Variants in PTBP3 observed in about 807,000 individuals in gnomAD.
PTBP3 encodes the protein polypyrimidine tract binding protein 3, also known as polypyrimidine tract-binding protein 3.
PTBP3 carries 20 observed loss-of-function variants against 58.7 expected under a neutral mutation model. The observed-to-expected ratio is 0.34, with a 90% CI of 0.24 to 0.50. The LOEUF (loss-of-function observed/expected upper bound fraction) is 0.50. Ranked by LOEUF, PTBP3 falls within the 20% of genes least tolerant of loss-of-function variation. The pLI is 0.98. For missense variants in PTBP3, 509 were observed against 637.2 expected (o/e 0.80, Z 2.17); for synonymous variants, 185 against 219.8 (o/e 0.84, Z 1.40).
intron 10 of PTBP3, 99 bp from the exon 11 acceptor site, chr9:112,228,571 T>C: frequency 4.1e-6 from 3 of 735,514 alleles, no homozygotes; most frequent in Admixed American, 3.3e-5. Context: ...TTACTCTCCC[T>C]TGGCAATTCC....
At chr9:112,345,224 C>T in the PTBP3 span, among the ~76,000 whole-genome samples, 3 of 151,764 alleles carry the variant, frequency 2.0e-5, no homozygotes, top group South Asian at 6.2e-4. Context: ...CCACCAGCTA[C>T]TCCTTGGGAG....
intron 2 of PTBP3, among the ~76,000 whole-genome samples, chr9:112,289,870 T>C (rs1828301432): frequency 6.6e-6 from 1 of 152,242 alleles, no homozygotes. Context: ...TTAACCCATA[T>C]CATTTTTATT....
intron 1 of PTBP3, among the ~76,000 whole-genome samples, chr9:112,327,187 A>G (rs150584903): frequency 0.012 from 1,871 of 151,992 alleles, 67 homozygotes; most frequent in South Asian, 0.11. Flanking sequence ...CCGGGCAATG[A>G]CAGAGGTAGA....
At chr9:112,247,194 A>T (rs1404083064) in intron 7 of PTBP3, among the ~76,000 whole-genome samples, 1 of 151,900 alleles carries the variant, frequency 6.6e-6, no homozygotes, top group Admixed American at 6.6e-5. Context: ...TGAGCCCTGG[A>T]GGTTGAGGTT....
chr9:112,310,420 T>C (rs940679204), intron 1 of PTBP3, among the ~76,000 whole-genome samples: 2 of 152,244 alleles, frequency 1.3e-5, no homozygotes, highest in Non-Finnish European at 2.9e-5. Context: ...AGACATTCAT[T>C]TGTATATTTA....
At chr9:112,237,370 A>G (rs1835475474) in intron 7 of PTBP3, among the ~76,000 whole-genome samples, 2 of 152,218 alleles carry the variant, frequency 1.3e-5, no homozygotes, top group Non-Finnish European at 2.9e-5. Flanking sequence ...TCAGATCCGA[A>G]TAAGAACGGA....
chr9:112,235,296 G>A (rs1027688065), intron 7 of PTBP3, among the ~76,000 whole-genome samples: 6 of 152,092 alleles, frequency 3.9e-5, no homozygotes, highest in African/African-American at 1.4e-4. Flanking sequence ...CTAAAAGTAC[G>A]AATTATAGGA....
At chr9:112,292,575 T>C (rs1332857544) in intron 2 of PTBP3, among the ~76,000 whole-genome samples, 2 of 152,186 alleles carry the variant, frequency 1.3e-5, no homozygotes, top group African/African-American at 4.8e-5. Context: ...ATGTGGTATA[T>C]ACCTACAATT....
Position 112,221,231 on chromosome 9 carries a change from C to A in PTBP3, c.*2620G>T. 1.0e-6 allele frequency: 1 copy of A among 984,720 alleles called. No individual in the cohort carries two copies. The highest frequency in any genetic ancestry group is 1.2e-6 in the Non-Finnish European group (1 of 829,040). The allele number at this position is 984,720 out of a possible 1,614,324, so 61.0% of individuals were successfully genotyped here. On this transcript the variant is annotated 3_prime_UTR_variant, in exon 14 of 14. Transcript: ENST00000374257. ...ATGTAATGTGCATATGTATATACAA[C>A]TTTAGAAGAGTGTATTTATGTATAT...
chr9:112,263,270 T>C (rs1436739604), intron 4 of PTBP3, among the ~76,000 whole-genome samples: 2 of 152,156 alleles, frequency 1.3e-5, no homozygotes, highest in South Asian at 2.1e-4. Flanking sequence ...CTTTAGTCCA[T>C]ACCGATATAA....
At chr9:112,274,307 A>G (rs1827514652) in intron 3 of PTBP3, among the ~76,000 whole-genome samples, 1 of 152,238 alleles carries the variant, frequency 6.6e-6, no homozygotes, top group Non-Finnish European at 1.5e-5. Flanking sequence ...ATTTATTTAT[A>G]AATGTATTTA....
At chr9:112,246,562 G>A (rs12238441) in intron 7 of PTBP3, among the ~76,000 whole-genome samples, 85,657 of 151,042 alleles carry the variant, frequency 0.57, 26,383 homozygotes, top group African/African-American at 0.83. Flanking sequence ...GCATAGTGGC[G>A]GGCACCTGTA....
At chr9:112,366,708 A>G in the PTBP3 span, among the ~76,000 whole-genome samples, 143,944 of 152,228 alleles carry the variant, frequency 0.95, 68,171 homozygotes, top group African/African-American at 0.99. Context: ...AGGGTAGTGC[A>G]GAAGGGAAAG....
At chr9:112,295,601 T>A (rs1211346411) in intron 2 of PTBP3, among the ~76,000 whole-genome samples, 45 of 92,478 alleles carry the variant, frequency 4.9e-4, no homozygotes, top group Non-Finnish European at 6.2e-4. Flanking sequence ...GTTCTGTTGG[T>A]AAAAAAAAAA....
At chr9:112,234,929 C>G in intron 7 of PTBP3, 32 bp from the exon 8 acceptor site, 2 of 1,533,448 alleles carry the variant, frequency 1.3e-6, no homozygotes, top group Non-Finnish European at 9.0e-7. Context: ...AGTAAACACA[C>G]TACCTTCTAT....
chr9:112,236,288 G>A (rs1835435333), intron 7 of PTBP3, among the ~76,000 whole-genome samples: 1 of 152,162 alleles, frequency 6.6e-6, no homozygotes, highest in Non-Finnish European at 1.5e-5. Flanking sequence ...CAGAATAACT[G>A]ATGAAGTAAG....
intron 1 of PTBP3, among the ~76,000 whole-genome samples, chr9:112,323,527 A>C (rs1217822385): frequency 6.6e-6 from 1 of 152,248 alleles, no homozygotes; most frequent in South Asian, 2.1e-4. Flanking sequence ...CACTGGCTGT[A>C]ATGGAAAATG....
chr9:112,290,699 T>TACACACACACACACACACAC (rs1221818154), intron 2 of PTBP3, among the ~76,000 whole-genome samples: 3 of 64,600 alleles, frequency 4.6e-5, no homozygotes, highest in East Asian at 3.5e-4. Flanking sequence ...TATATATATA[T>TACACACACACACACACACAC]ATATATATAC....
At chr9:112,378,731 G>T in the PTBP3 span, among the ~76,000 whole-genome samples, 1 of 152,192 alleles carries the variant, frequency 6.6e-6, no homozygotes, top group Non-Finnish European at 1.5e-5. Flanking sequence ...TCCTTTTTGA[G>T]CTGCTGTATC....
Sources: allele counts gnomAD v4.1 joint callset (sites outside exome capture counted in the v4.1 genomes callset), GRCh38; gene constraint gnomAD v4.1.1; transcripts MANE v1.5; gene names NCBI Gene and HGNC (gene_info 2026-07-23, HGNC 2026-07-21).